The following BAZ1A variants were observed in gnomAD, a reference collection of about 807,000 sequenced individuals.
BAZ1A encodes the protein bromodomain adjacent to zinc finger domain protein 1A.
A neutral mutation model predicts 185.2 loss-of-function variants in BAZ1A; 50 were observed. That is an observed-to-expected ratio of 0.27 (90% CI 0.22 to 0.34). The LOEUF is 0.34. BAZ1A is among the 10% of genes least tolerant of loss of function. BAZ1A has a pLI of 1.00. For synonymous variants in BAZ1A, 571 were observed against 615.6 expected, an observed-to-expected ratio of 0.93 and a Z score of 1.07; for missense variants, 1,356 against 1,839.9, an observed-to-expected ratio of 0.74 and a Z score of 4.81.
intron 2 of BAZ1A, among the ~76,000 whole-genome samples, chr14:34,864,355 G>A (rs566390518): frequency 6.6e-4 from 101 of 152,200 alleles, no homozygotes; most frequent in African/African-American, 2.2e-3. Flanking sequence ...TGTTGGCCAA[G>A]CTGGTCTTGA....
chr14:34,789,685 G>C (rs1348240639), intron 12 of BAZ1A, among the ~76,000 whole-genome samples: 4 of 152,148 alleles, frequency 2.6e-5, no homozygotes, highest in Admixed American at 1.3e-4. Context: ...AGGAACTGAT[G>C]TATTAAATGT....
At chr14:34,765,390 C>G (rs1878773294) in intron 21 of BAZ1A, 122 bp from the exon 22 acceptor site, 2 of 1,225,990 alleles carry the variant, frequency 1.6e-6, no homozygotes, top group East Asian at 2.4e-5. Flanking sequence ...TGATACTTAA[C>G]AAAAAGACCA....
At position 34,758,753 on chromosome 14, in the gene BAZ1A, A is replaced by G. The variant is rs1886379308; in HGVS notation, c.4337T>C (p.Val1446Ala). 6.2e-7 allele frequency: 1 copy of G among 1,614,084 alleles called. No individual in the cohort carries two copies. The highest frequency in any genetic ancestry group is 8.5e-7 in the Non-Finnish European group (1 of 1,180,032). ...SAFEQLVVEL[V>A]RHDDSWPFLK... ...AAAAGGCCAGCTGTCATCATGTCGT[A>G]CCAATTCTACAACAAGTTGTTCAAA... The change falls in exon 25 of 27, where the codon GTA becomes GCA. Residue 1446 changes from valine to alanine, a missense_variant. Physicochemically the swap from Val to Ala is moderately conservative, Grantham distance 64. Coordinates refer to ENST00000360310, the MANE Select transcript of BAZ1A (RefSeq NM_013448.3).
chr14:34,802,611 C>T (rs1881625591), intron 7 of BAZ1A, among the ~76,000 whole-genome samples: 1 of 152,208 alleles, frequency 6.6e-6, no homozygotes, highest in Non-Finnish European at 1.5e-5. Flanking sequence ...TGCTTATGTG[C>T]TTGCTTCCAC....
At chr14:34,764,392 A>C (rs1391978637) in intron 23 of BAZ1A, among the ~76,000 whole-genome samples, 2 of 147,330 alleles carry the variant, frequency 1.4e-5, no homozygotes, top group Non-Finnish European at 3.0e-5. Context: ...TCCCGGGTTC[A>C]AGCAGCTCTC....
intron 2 of BAZ1A, among the ~76,000 whole-genome samples, chr14:34,870,522 T>G (rs1313891900): frequency 6.6e-6 from 1 of 152,222 alleles, no homozygotes; most frequent in Non-Finnish European, 1.5e-5. Context: ...TGTTCTGATA[T>G]GTCCATTGAA....
intron 3 of BAZ1A, among the ~76,000 whole-genome samples, chr14:34,851,018 A>G (rs1403434357): frequency 6.6e-6 from 1 of 152,132 alleles, no homozygotes; most frequent in African/African-American, 2.4e-5. Flanking sequence ...ATTCTTATTT[A>G]AAAAGAGATG....
intron 6 of BAZ1A, among the ~76,000 whole-genome samples, chr14:34,804,675 G>T (rs1454336431): frequency 1.3e-5 from 2 of 152,128 alleles, no homozygotes; most frequent in Admixed American, 1.3e-4. Context: ...ATTATCTACA[G>T]AATAGAATTA....
chr14:34,774,612 C>T, intron 18 of BAZ1A, 122 bp from the exon 19 acceptor site: 2 of 761,628 alleles, frequency 2.6e-6, no homozygotes, highest in African/African-American at 1.8e-5. Context: ...TCAAGTGCCA[C>T]AAATGAATGA....
At chr14:34,792,646 C>T (rs1880928752) in intron 12 of BAZ1A, 129 bp downstream of exon 12, 12 of 1,088,708 alleles carry the variant, frequency 1.1e-5, no homozygotes, top group South Asian at 1.5e-5. Context: ...GCATATGATT[C>T]AACATCAGGT....
intron 3 of BAZ1A, among the ~76,000 whole-genome samples, chr14:34,855,633 T>C (rs1192612814): frequency 1.3e-5 from 2 of 152,210 alleles, no homozygotes; most frequent in Non-Finnish European, 2.9e-5. Context: ...GTGGCTCACA[T>C]CTTAATCTCA....
At chr14:34,839,897 A>T (rs1459503851) in intron 3 of BAZ1A, among the ~76,000 whole-genome samples, 3 of 124,044 alleles carry the variant, frequency 2.4e-5, no homozygotes, top group Non-Finnish European at 5.2e-5. Context: ...TTAATTTTTT[A>T]AAAAAGAAAA....
intron 16 of BAZ1A, 59 bp downstream of exon 16, chr14:34,783,060 G>A: frequency 7.8e-7 from 1 of 1,280,832 alleles, no homozygotes; most frequent in Non-Finnish European, 1.1e-6. Context: ...AGTTTAAGGT[G>A]TCTGGTTTTT....
intron 2 of BAZ1A, among the ~76,000 whole-genome samples, chr14:34,869,971 G>A (rs1037831405): frequency 6.6e-6 from 1 of 152,126 alleles, no homozygotes; most frequent in African/African-American, 2.4e-5. Flanking sequence ...CTGTGACTGA[G>A]GCTCTTACTC....
At chr14:34,823,708 T>G (rs1035594637) in intron 4 of BAZ1A, among the ~76,000 whole-genome samples, 1 of 152,168 alleles carries the variant, frequency 6.6e-6, no homozygotes, top group African/African-American at 2.4e-5. Context: ...TATTTAAACA[T>G]GAATTTTAAA....
At position 34,874,816 on chromosome 14, in the gene BAZ1A, G is replaced by A; in HGVS notation, c.-58-154C>T. 4.2e-6 allele frequency: 2 copies of A among 477,564 alleles called. No homozygotes were observed. Among genetic ancestry groups the A allele is most frequent in the Admixed American group, 4.4e-5 (1 of 22,834 alleles). The allele number at this position is 477,564 out of a possible 1,614,324, so 29.6% of individuals were successfully genotyped here. A position where few individuals can be genotyped will look rare whatever the true frequency, so the allele number is the denominator to read the frequency against. On this transcript the variant is annotated intron_variant, in intron 1 of 26. Transcript: ENST00000360310. The surrounding 1 kb of genome is among the most constrained non-coding windows in gnomAD (Gnocchi z 4.7). ...GCCGAGTTCGTTCCTGCCGCTGCCCGGGTGTCGAGCGAGCGGAGCCGCCGC... is the reference window on the plus strand; with the variant it reads ...GCCGAGTTCGTTCCTGCCGCTGCCCAGGTGTCGAGCGAGCGGAGCCGCCGC...
At chr14:34,823,888 T>C (rs1474074894) in intron 4 of BAZ1A, among the ~76,000 whole-genome samples, 2 of 152,142 alleles carry the variant, frequency 1.3e-5, no homozygotes, top group African/African-American at 4.8e-5. Flanking sequence ...TATACACTCA[T>C]CTGATTTATA....
At chr14:34,858,141 A>C (rs761070378) in intron 3 of BAZ1A, among the ~76,000 whole-genome samples, 1 of 152,238 alleles carries the variant, frequency 6.6e-6, no homozygotes, top group Non-Finnish European at 1.5e-5. Context: ...TAATAGTGCC[A>C]AGGTGAACAA....
At position 34,756,041 on chromosome 14, in the gene BAZ1A, A is replaced by G. The variant is rs1886225571; in HGVS notation, c.4387-1127T>C. Among the ~76,000 whole-genome samples the G allele has an allele frequency of 3.4e-5, 5 of 148,378 alleles. No individual in the cohort carries two copies. The South Asian group carries it at 1.1e-3, about 31-fold the overall frequency. Reference sequence around the variant, plus strand: ...TTTTTTGTAGAGTCAAGGTTTGACCATGTTGGTTAGGCTGGTCTCAAACTC... The same window carrying G: ...TTTTTTGTAGAGTCAAGGTTTGACCGTGTTGGTTAGGCTGGTCTCAAACTC... On this transcript the variant is annotated intron_variant, in intron 25 of 26. Coordinates refer to ENST00000360310, the MANE Select transcript of BAZ1A (RefSeq NM_013448.3).
Sources: allele counts gnomAD v4.1 joint callset (sites outside exome capture counted in the v4.1 genomes callset), GRCh38; gene constraint gnomAD v4.1.1; non-coding constraint Gnocchi (gnomAD v3.1); transcripts MANE v1.5; gene names NCBI Gene and HGNC (gene_info 2026-07-23, HGNC 2026-07-21).